ACVR1C: variants seen among roughly 807,000 people sequenced by gnomAD.
The protein encoded by ACVR1C is activin receptor type-1C.
ACVR1C carries 23 observed loss-of-function variants against 57.9 expected under a neutral mutation model. The observed-to-expected ratio is 0.40, with a 90% CI of 0.29 to 0.56. ACVR1C has a LOEUF of 0.56. ACVR1C is among the 20% of genes least tolerant of loss of function. The pLI is 0.50. For synonymous variants in ACVR1C, 214 were observed against 215.3 expected (o/e 0.99, Z 0.05); for missense variants, 480 against 607.9 (o/e 0.79, Z 2.21).
chr2:157,541,724 C>G (rs112434747), intron 6 of ACVR1C, among the ~76,000 whole-genome samples: 13 of 152,136 alleles, frequency 8.5e-5, no homozygotes, highest in Non-Finnish European at 1.9e-4. Context: ...ATAAACTGCC[C>G]GGAAGTGTTC....
chr2:157,616,795 A>T (rs1184056305), intron 1 of ACVR1C, among the ~76,000 whole-genome samples: 2 of 152,074 alleles, frequency 1.3e-5, no homozygotes, highest in African/African-American at 4.8e-5. Context: ...GAAAGAATAC[A>T]GTTAAACATA....
At chr2:157,628,375 C>T (rs1682950798) in intron 1 of ACVR1C, among the ~76,000 whole-genome samples, 197 bp downstream of exon 1, 1 of 152,204 alleles carries the variant, frequency 6.6e-6, no homozygotes, top group Non-Finnish European at 1.5e-5. Context: ...ACACACCTGT[C>T]TACCCCTACG....
intron 8 of ACVR1C, among the ~76,000 whole-genome samples, chr2:157,536,661 A>G (rs1687494142): frequency 6.6e-6 from 1 of 152,186 alleles, no homozygotes; most frequent in East Asian, 1.9e-4. Context: ...TAAATAAAAT[A>G]CTTTTAAAGG....
Position 157,530,651 on chromosome 2 carries a change from A to G in ACVR1C, c.*3267T>C, listed in dbSNP as rs988663158. 6.6e-6 allele frequency: 1 copy of G among 152,112 alleles called. No homozygotes were observed. The highest frequency in any genetic ancestry group is 2.4e-5 in the African/African-American group (1 of 41,450). The allele number at this position is 152,112 out of a possible 1,614,324, so 9.4% of individuals were successfully genotyped here. A position where few individuals can be genotyped will look rare whatever the true frequency, so the allele number is the denominator to read the frequency against. ...TGCAACCAGGTTACTATTTTCATACAATCATGGAAATTTAAAATGCAAAGT... is the reference window on the plus strand; with the variant it reads ...TGCAACCAGGTTACTATTTTCATACGATCATGGAAATTTAAAATGCAAAGT... On this transcript the variant is annotated 3_prime_UTR_variant, in exon 9 of 9. Coordinates refer to ENST00000243349, the MANE Select transcript of ACVR1C (RefSeq NM_145259.3).
intron 3 of ACVR1C, among the ~76,000 whole-genome samples, chr2:157,553,441 A>G (rs907729878): frequency 6.6e-6 from 1 of 151,972 alleles, no homozygotes; most frequent in Admixed American, 6.6e-5. Context: ...TCTGAAAACG[A>G]GAGAGTCCAG....
intron 2 of ACVR1C, among the ~76,000 whole-genome samples, chr2:157,573,765 C>T (rs1688580376): frequency 2.0e-5 from 3 of 152,086 alleles, no homozygotes; most frequent in South Asian, 4.1e-4. Flanking sequence ...TCTGCTATCA[C>T]CCAGAGTCTA....
chr2:157,564,134 G>C (rs544549612), intron 2 of ACVR1C, among the ~76,000 whole-genome samples: 3 of 152,174 alleles, frequency 2.0e-5, no homozygotes, highest in Non-Finnish European at 1.5e-5. Context: ...ATTAAACTAA[G>C]AGCTTCTGCA....
At chr2:157,601,343 A>T (rs960645336) in intron 1 of ACVR1C, among the ~76,000 whole-genome samples, 2 of 152,062 alleles carry the variant, frequency 1.3e-5, no homozygotes, top group Non-Finnish European at 2.9e-5. Context: ...TAAAAAAAAT[A>T]AAAAAGAAGG....
chr2:157,620,234 T>C (rs1200581894), intron 1 of ACVR1C, among the ~76,000 whole-genome samples: 1 of 152,124 alleles, frequency 6.6e-6, no homozygotes. Context: ...AATTATTCTG[T>C]ATTCAACCTG....
At position 157,550,369 on chromosome 2, in the gene ACVR1C, TC is replaced by T; in HGVS notation, c.567del (p.Thr190GlnfsTer11). On this transcript the variant is annotated frameshift_variant, in exon 4 of 9. Transcript: ENST00000243349. LOFTEE classifies it high-confidence loss of function. Reference protein sequence around the residue: ...SGSGLPLLVQRTIARTIVLQE... With the variant: ...SGSGLPLLVQXTIARTIVLQE... Reference sequence around the variant, plus strand: ...TGAAGCACAATCGTCCTTGCAATTGTCCTTTGAACCAACAGAGGTAGACCTA... The same window carrying T: ...TGAAGCACAATCGTCCTTGCAATTGTCTTTGAACCAACAGAGGTAGACCTA... 6.2e-7 allele frequency: 1 copy of T among 1,614,156 alleles called. No individual in the cohort carries two copies. The highest frequency in any genetic ancestry group is 8.5e-7 in the Non-Finnish European group (1 of 1,180,020).
At chr2:157,536,606 C>T (rs1168442036) in intron 8 of ACVR1C, among the ~76,000 whole-genome samples, 1 of 151,890 alleles carries the variant, frequency 6.6e-6, no homozygotes, top group Non-Finnish European at 1.5e-5. Context: ...TTGGATACCC[C>T]CAAACTGAAA....
At chr2:157,605,435 A>T (rs937605346) in intron 1 of ACVR1C, among the ~76,000 whole-genome samples, 2 of 151,696 alleles carry the variant, frequency 1.3e-5, no homozygotes, top group African/African-American at 4.8e-5. Context: ...TCCTGCTGAG[A>T]TTTTGACTGA....
intron 1 of ACVR1C, among the ~76,000 whole-genome samples, chr2:157,594,487 G>C (rs79472742): frequency 0.047 from 7,105 of 152,116 alleles, 314 homozygotes; most frequent in African/African-American, 0.11. Flanking sequence ...ATTTCAGTGG[G>C]TGAGAGAATT....
chr2:157,567,088 A>AC (rs1281405695), intron 2 of ACVR1C, among the ~76,000 whole-genome samples: 2 of 94,220 alleles, frequency 2.1e-5, no homozygotes, highest in African/African-American at 4.9e-5. Flanking sequence ...ACTGGGAGGC[A>AC]CCCCCCAGCA....
intron 2 of ACVR1C, among the ~76,000 whole-genome samples, chr2:157,564,718 A>G (rs1688319115): frequency 6.6e-6 from 1 of 152,228 alleles, no homozygotes; most frequent in Non-Finnish European, 1.5e-5. Flanking sequence ...ATGCCCATCA[A>G]TGATAGACTG....
At chr2:157,558,688 G>A (rs1688164016) in intron 2 of ACVR1C, among the ~76,000 whole-genome samples, 1 of 152,208 alleles carries the variant, frequency 6.6e-6, no homozygotes, top group African/African-American at 2.4e-5. Context: ...TTATACAGGT[G>A]CATATGAGGA....
chr2:157,548,717 A>C (rs1269981279), intron 4 of ACVR1C, among the ~76,000 whole-genome samples: 2 of 152,236 alleles, frequency 1.3e-5, no homozygotes, highest in African/African-American at 4.8e-5. Flanking sequence ...GGGAAAACTA[A>C]GTACTTATTT....
rs997509263 is a variant in ACVR1C at position 157,550,089 on chromosome 2, AT to A, written c.775+72del. 5.5e-3 allele frequency: 6,562 copies of A among 1,203,822 alleles called. 1 individual carries two copies. Among genetic ancestry groups the A allele is most frequent in the South Asian group, 7.2e-3 (508 of 70,262 alleles). The allele number at this position is 1,203,822 out of a possible 1,614,324, so 74.6% of individuals were successfully genotyped here. A position where few individuals can be genotyped will look rare whatever the true frequency, so the allele number is the denominator to read the frequency against. On this transcript the variant is annotated intron_variant, in intron 4 of 8. Coordinates refer to ENST00000243349, the MANE Select transcript of ACVR1C (RefSeq NM_145259.3). ...TTTTTCTTATCTGATACTAGACAAC[AT>A]TTTTTTTTTGAGACAGAGTCTCGCT...
At chr2:157,609,676 T>G (rs558428528) in intron 1 of ACVR1C, among the ~76,000 whole-genome samples, 1 of 152,184 alleles carries the variant, frequency 6.6e-6, no homozygotes, top group South Asian at 2.1e-4. Flanking sequence ...TATATCTGCT[T>G]GCTGGATTTA....
Sources: allele counts gnomAD v4.1 joint callset (sites outside exome capture counted in the v4.1 genomes callset), GRCh38; gene constraint gnomAD v4.1.1; transcripts MANE v1.5; gene names NCBI Gene and HGNC (gene_info 2026-07-23, HGNC 2026-07-21).